LRP1B: variants seen among roughly 807,000 people sequenced by gnomAD.
LRP1B encodes low-density lipoprotein receptor-related protein 1B.
In LRP1B, 217 loss-of-function variants were observed where a neutral mutation model predicts 556.6. The ratio of observed to expected loss-of-function variants is 0.39; its 90% CI spans 0.35 to 0.44. LRP1B has a LOEUF of 0.44. Among genes scored for constraint, LRP1B ranks in the 20% least tolerant of loss-of-function variants. The pLI, the probability that LRP1B is intolerant of heterozygous loss-of-function variation, is 1.00. For synonymous variants in LRP1B, 2,047 were observed against 1,865.8 expected, an observed-to-expected ratio of 1.10 and a Z score of -2.50; for missense variants, 5,053 against 5,620.8, an observed-to-expected ratio of 0.90 and a Z score of 3.23.
chr2:140,413,147 T>A lies in LRP1B; in HGVS notation c.10415-27138A>T, dbSNP rs544856130. On this transcript the variant is annotated intron_variant, in intron 66 of 90. Transcript: ENST00000389484. ...GTAGACTGGTTCCACTATTTTAGCT[T>A]TAAAGAAAGATAAATGTAATACACA... is the stretch of plus-strand genomic sequence containing the variant. Among the ~76,000 whole-genome samples, 93 of 152,182 alleles carry A rather than the reference T, an allele frequency of 6.1e-4. 1 individual carries two copies. The South Asian group carries it at 0.019, about 31-fold the overall frequency.
At chr2:142,050,356 A>T (rs13418339) in intron 1 of LRP1B, among the ~76,000 whole-genome samples, 2,979 of 152,266 alleles carry the variant, frequency 0.02, 38 homozygotes, top group African/African-American at 0.027. Flanking sequence ...CTAGTTATAC[A>T]ATCTTACCTT....
intron 7 of LRP1B, among the ~76,000 whole-genome samples, chr2:141,143,292 G>A (rs549820804): frequency 3.2e-4 from 48 of 152,110 alleles, no homozygotes; most frequent in African/African-American, 1.1e-3. Context: ...GCATGACTGA[G>A]TTCGTCCTGT....
intron 37 of LRP1B, among the ~76,000 whole-genome samples, chr2:140,703,215 C>T (rs16855000): frequency 0.023 from 3,459 of 152,110 alleles, 60 homozygotes; most frequent in African/African-American, 0.035. Context: ...TCTTAAAATA[C>T]GGTTTTATGC....
At chr2:141,293,955 G>A (rs1573766226) in intron 3 of LRP1B, among the ~76,000 whole-genome samples, 1 of 152,086 alleles carries the variant, frequency 6.6e-6, no homozygotes, top group African/African-American at 2.4e-5. Context: ...GTGTATGCAT[G>A]TAGGTACACA....
chr2:141,445,053 G>A (rs567726909), intron 3 of LRP1B, among the ~76,000 whole-genome samples: 1 of 152,240 alleles, frequency 6.6e-6, no homozygotes, highest in African/African-American at 2.4e-5. Context: ...AATCTGTCTG[G>A]TCCTGGACTT....
intron 1 of LRP1B, among the ~76,000 whole-genome samples, chr2:141,860,040 T>C (rs1698188705): frequency 6.6e-6 from 1 of 152,182 alleles, no homozygotes; most frequent in Non-Finnish European, 1.5e-5. Context: ...TCACACATCG[T>C]ACACCTCTTG....
At chr2:140,265,151 A>C (rs1044717716) in intron 86 of LRP1B, among the ~76,000 whole-genome samples, 1 of 152,206 alleles carries the variant, frequency 6.6e-6, no homozygotes, top group East Asian at 1.9e-4. Flanking sequence ...CTAGGGAAAA[A>C]ATCTTAGCAG....
At chr2:140,557,083 T>A (rs185456927) in intron 43 of LRP1B, among the ~76,000 whole-genome samples, 9 of 152,262 alleles carry the variant, frequency 5.9e-5, no homozygotes. Flanking sequence ...TTCTTAACTA[T>A]GCATCTAGTT....
At chr2:140,620,124 T>C (rs1420123836) in intron 41 of LRP1B, among the ~76,000 whole-genome samples, 1 of 152,184 alleles carries the variant, frequency 6.6e-6, no homozygotes, top group Non-Finnish European at 1.5e-5. Context: ...GAATCAACAT[T>C]TTATTCAAAA....
chr2:140,409,908 T>C (rs1038303997), intron 66 of LRP1B, among the ~76,000 whole-genome samples: 1 of 152,054 alleles, frequency 6.6e-6, no homozygotes, highest in Admixed American at 6.6e-5. Flanking sequence ...CATTTTACAC[T>C]AAGACCTCAG....
chr2:141,254,384 G>A (rs1173701344), intron 4 of LRP1B, 138 bp downstream of exon 4: 7 of 790,414 alleles, frequency 8.9e-6, no homozygotes, highest in Non-Finnish European at 1.4e-5. Flanking sequence ...TGTTGGGGGG[G>A]CAACTTTTAA....
chr2:141,647,543 C>T (rs1212537416), intron 2 of LRP1B, among the ~76,000 whole-genome samples: 1 of 152,170 alleles, frequency 6.6e-6, no homozygotes, highest in East Asian at 1.9e-4. Flanking sequence ...CATGCTTCAT[C>T]ATTTATGCTA....
intron 1 of LRP1B, among the ~76,000 whole-genome samples, chr2:142,025,064 A>G (rs1019572538): frequency 6.6e-6 from 1 of 152,128 alleles, no homozygotes; most frequent in Non-Finnish European, 1.5e-5. Flanking sequence ...TGATATGCAT[A>G]TAATCATACA....
chr2:141,618,200 G>A lies in LRP1B; in HGVS notation c.206-137667C>T, dbSNP rs142226235. Among the ~76,000 whole-genome samples the A allele has an allele frequency of 5.1e-3, 767 of 151,364 alleles. 12 individuals carry two copies. Among genetic ancestry groups the A allele is most frequent in the African/African-American group, 0.018 (723 of 41,262 alleles). On this transcript the variant is annotated intron_variant, in intron 2 of 90. Coordinates refer to ENST00000389484, the MANE Select transcript of LRP1B (RefSeq NM_018557.3). ...GTGTGCTTTTATTTTTTTTTTCCTCGCTAGTAATTTATGGTCATCCTTTTA... is the reference window on the plus strand; with the variant it reads ...GTGTGCTTTTATTTTTTTTTTCCTCACTAGTAATTTATGGTCATCCTTTTA...
At chr2:140,591,119 A>G (rs1682205450) in intron 43 of LRP1B, among the ~76,000 whole-genome samples, 1 of 152,230 alleles carries the variant, frequency 6.6e-6, no homozygotes, top group African/African-American at 2.4e-5. Context: ...GAATACTTAA[A>G]ATATACTGAA....
At chr2:140,777,278 C>T (rs1689531358) in intron 32 of LRP1B, among the ~76,000 whole-genome samples, 1 of 152,190 alleles carries the variant, frequency 6.6e-6, no homozygotes, top group Admixed American at 6.5e-5. Context: ...CCCTTTGCCC[C>T]TAGCTCACAG....
At chr2:140,909,957 A>G (rs1187724514) in intron 21 of LRP1B, among the ~76,000 whole-genome samples, 1 of 151,314 alleles carries the variant, frequency 6.6e-6, no homozygotes, top group African/African-American at 2.4e-5. Flanking sequence ...AGCCTTGAAT[A>G]TAGATATTAT....
chr2:141,708,239 AC>A (rs1048006768), intron 2 of LRP1B, among the ~76,000 whole-genome samples: 55 of 151,928 alleles, frequency 3.6e-4, no homozygotes, highest in Admixed American at 3.4e-3. Flanking sequence ...TAAAAAAAAA[AC>A]AAAATTAAAT....
intron 1 of LRP1B, among the ~76,000 whole-genome samples, chr2:141,815,361 G>A (rs562907152): frequency 1.3e-5 from 2 of 152,242 alleles, no homozygotes; most frequent in South Asian, 2.1e-4. Flanking sequence ...GTCGAGTGAG[G>A]ACTTGGAGAA....
Sources: allele counts gnomAD v4.1 joint callset (sites outside exome capture counted in the v4.1 genomes callset), GRCh38; gene constraint gnomAD v4.1.1; transcripts MANE v1.5; gene names NCBI Gene and HGNC (gene_info 2026-07-23, HGNC 2026-07-21).